The following CDK6 variants were observed in gnomAD, a reference collection of about 807,000 sequenced individuals.
The protein encoded by CDK6 is cyclin-dependent kinase 6.
Under a neutral mutation model 37.1 loss-of-function variants are expected in CDK6, and 6 were observed. That is an observed-to-expected ratio of 0.16 (90% CI 0.09 to 0.32). The LOEUF is 0.32. Among genes scored for constraint, CDK6 ranks in the 10% least tolerant of loss-of-function variants. The probability of loss-of-function intolerance (pLI) is 1.00; values close to 1 mark genes in which losing one functional copy is unlikely to be tolerated. For missense variants in CDK6, 224 were observed against 418.9 expected (o/e 0.53, Z 4.06); for synonymous variants, 160 against 161.3 (o/e 0.99, Z 0.06).
chr7:92,666,967 G>T (rs1057152095), intron 5 of CDK6, among the ~76,000 whole-genome samples: 3 of 152,048 alleles, frequency 2.0e-5, no homozygotes, highest in African/African-American at 7.2e-5. Context: ...TTATCACAGG[G>T]GATGACAGTT....
chr7:92,704,914 T>C (rs1020882392), intron 4 of CDK6, among the ~76,000 whole-genome samples: 4 of 152,242 alleles, frequency 2.6e-5, no homozygotes, highest in African/African-American at 9.6e-5. Context: ...AATACCAAAT[T>C]ATTTTCTAAA....
At chr7:92,658,760 AT>A (rs993930590) in intron 5 of CDK6, among the ~76,000 whole-genome samples, 1 of 152,118 alleles carries the variant, frequency 6.6e-6, no homozygotes, top group African/African-American at 2.4e-5. Context: ...TTTCGTTTAA[AT>A]TTTTTTAAAA....
chr7:92,706,692 A>G (rs541764656), intron 4 of CDK6, among the ~76,000 whole-genome samples: 2 of 152,174 alleles, frequency 1.3e-5, no homozygotes, highest in South Asian at 4.1e-4. Context: ...AAGAAACACC[A>G]CTGGATTTCT....
intron 2 of CDK6, among the ~76,000 whole-genome samples, chr7:92,816,554 A>G (rs143734228): frequency 0.01 from 1,537 of 152,206 alleles, 23 homozygotes; most frequent in African/African-American, 0.032. Flanking sequence ...TAAAGAATAT[A>G]TAACTAAAAA....
chr7:92,772,734 T>TC (rs575225783), intron 3 of CDK6, among the ~76,000 whole-genome samples: 42 of 151,870 alleles, frequency 2.8e-4, no homozygotes, highest in African/African-American at 9.2e-4. Flanking sequence ...CCCTTGAGAT[T>TC]CCCCCCATTC....
At chr7:92,646,272 T>A (rs1796446271) in intron 5 of CDK6, among the ~76,000 whole-genome samples, 1 of 152,348 alleles carries the variant, frequency 6.6e-6, no homozygotes, top group Middle Eastern at 3.4e-3. Flanking sequence ...TGCTAACACA[T>A]CATGCACATT....
At chr7:92,754,802 C>T (rs888197896) in intron 3 of CDK6, among the ~76,000 whole-genome samples, 9 of 152,280 alleles carry the variant, frequency 5.9e-5, no homozygotes, top group African/African-American at 2.2e-4. Context: ...GTCACCATAG[C>T]TTGTGGTAAA....
At chr7:92,769,208 T>C (rs1454490518) in intron 3 of CDK6, among the ~76,000 whole-genome samples, 3 of 152,096 alleles carry the variant, frequency 2.0e-5, no homozygotes, top group South Asian at 2.1e-4. Context: ...TTACAACCAA[T>C]AGAAAACTCT....
intron 2 of CDK6, among the ~76,000 whole-genome samples, chr7:92,799,186 C>T (rs934440371): frequency 6.6e-6 from 1 of 152,196 alleles, no homozygotes; most frequent in Non-Finnish European, 1.5e-5. Context: ...AGTTTCTACA[C>T]TTTGTGCTAC....
At chr7:92,722,423 G>C (rs1317235454) in intron 4 of CDK6, among the ~76,000 whole-genome samples, 1 of 152,116 alleles carries the variant, frequency 6.6e-6, no homozygotes. Flanking sequence ...CAGTAGAAAG[G>C]ATTATGATAA....
chr7:92,816,921 C>T (rs1801043831), intron 2 of CDK6, among the ~76,000 whole-genome samples: 1 of 151,762 alleles, frequency 6.6e-6, no homozygotes, highest in Admixed American at 6.6e-5. Flanking sequence ...GTTAAAGAAT[C>T]TATACCAATA....
intron 3 of CDK6, among the ~76,000 whole-genome samples, chr7:92,765,869 A>G (rs1381689294): frequency 6.6e-6 from 1 of 152,238 alleles, no homozygotes; most frequent in African/African-American, 2.4e-5. Flanking sequence ...GTGGAGTTGT[A>G]GCTGAGAGGG....
rs2116483965 is a variant in CDK6, at chr7:92,618,093, T to C, written c.813A>G (p.Glu271=). 1 of 1,614,136 alleles carries C rather than the reference T, an allele frequency of 6.2e-7. No individual in the cohort carries two copies. ...TTACCAGAAGTAGGTCTTTGCCTAGTTCATCGATATCTGTTACAAACTTCT... is the reference window on the plus strand; with the variant it reads ...TTACCAGAAGTAGGTCTTTGCCTAGCTCATCGATATCTGTTACAAACTTCT... ...PIEKFVTDID[E]LGKDLLLKCL... Residue 271 remains glutamate (E), a synonymous_variant, in exon 7 of 8, where the codon GAA becomes GAG. Transcript: ENST00000424848.
chr7:92,642,816 A>T (rs1257792762), intron 5 of CDK6, among the ~76,000 whole-genome samples: 1 of 152,070 alleles, frequency 6.6e-6, no homozygotes. Flanking sequence ...GCTGGCTCTC[A>T]TGACCACTTC....
intron 4 of CDK6, among the ~76,000 whole-genome samples, chr7:92,720,833 A>G (rs986389508): frequency 9.2e-5 from 14 of 152,152 alleles, no homozygotes; most frequent in African/African-American, 3.4e-4. Context: ...GAGTGACTCT[A>G]AATATAGTTT....
intron 2 of CDK6, among the ~76,000 whole-genome samples, chr7:92,793,432 G>A (rs1800330303): frequency 6.6e-6 from 1 of 152,134 alleles, no homozygotes; most frequent in Admixed American, 6.6e-5. Context: ...AATTTAGAGT[G>A]CAGAAATTAA....
chr7:92,798,763 C>A (rs1800485336), intron 2 of CDK6, among the ~76,000 whole-genome samples: 1 of 152,288 alleles, frequency 6.6e-6, no homozygotes, highest in East Asian at 1.9e-4. Flanking sequence ...CCTTCTCCTG[C>A]CCTCTCTTCC....
chr7:92,834,488 G>T lies in CDK6; in HGVS notation c.-367-798C>A, dbSNP rs533116499. Among the ~76,000 whole-genome samples, 27 of 150,414 alleles carry T rather than the reference G, an allele frequency of 1.8e-4. No homozygotes were observed. Among genetic ancestry groups the T allele is most frequent in the African/African-American group, 6.6e-4 (27 of 40,900 alleles). ...TGGGGCTTATCGGGGGTGGGCGAGC[G>T]AGCGGTCCTGGGGGAGGGGAGACAC... On this transcript the variant is annotated intron_variant, in intron 1 of 7. Transcript: ENST00000424848. The surrounding 1 kb of genome is among the most constrained non-coding windows in gnomAD (Gnocchi z 4.6).
In CDK6 at chr7:92,834,993, G is replaced by C. The variant is rs1355710042; in HGVS notation, c.-367-1303C>G. ...CGGCAGGACTTTCACCACGACGGCC[G>C]CATGTCCGGAATTCCCGGGGCACCT... is the stretch of plus-strand genomic sequence containing the variant. On this transcript the variant is annotated intron_variant, in intron 1 of 7. Coordinates refer to ENST00000424848, the MANE Select transcript of CDK6 (RefSeq NM_001145306.2). The surrounding 1 kb of genome is among the most constrained non-coding windows in gnomAD (Gnocchi z 4.6). 2 of 152,270 alleles carry C rather than the reference G, an allele frequency of 1.3e-5. No homozygotes were observed. Among genetic ancestry groups the C allele is most frequent in the Admixed American group, 6.5e-5 (1 of 15,292 alleles). The allele number at this position is 152,270 out of a possible 1,614,324, so 9.4% of individuals were successfully genotyped here.
Sources: gnomAD v4.1 joint callset for allele counts (sites outside exome capture counted in the v4.1 genomes callset) on GRCh38, gnomAD v4.1.1 for gene constraint, Gnocchi (gnomAD v3.1) non-coding constraint, MANE v1.5 for transcripts, NCBI Gene and HGNC (gene_info 2026-07-23, HGNC 2026-07-21) for gene names.